Variants in CKB observed in about 807,000 individuals in gnomAD.
CKB encodes the protein creatine kinase B-type.
CKB carries 15 observed loss-of-function variants against 36.9 expected under a neutral mutation model. The observed-to-expected ratio is 0.41, with a 90% CI of 0.27 to 0.63. The LOEUF (loss-of-function observed/expected upper bound fraction) is 0.63, where lower values mean the gene tolerates loss of function less well. Among genes scored for constraint, CKB ranks in the 20% least tolerant of loss-of-function variants. The pLI is 0.34. For missense variants in CKB, 413 were observed against 534.9 expected (o/e 0.77, Z 2.25); for synonymous variants, 250 against 228.2 (o/e 1.10, Z -0.86).
intron 5 of CKB, 79 bp downstream of exon 5, chr14:103,521,184 C>T: frequency 6.7e-7 from 1 of 1,500,056 alleles, no homozygotes; most frequent in Non-Finnish European, 8.9e-7. Context: ...AGGGGCCCCA[C>T]CCCCGCGAGG....
At position 103,520,284 on chromosome 14, in the gene CKB, A is replaced by C. The variant is rs772436966; in HGVS notation, c.805T>G (p.Tyr269Asp). ...AGGTGAGGGTTCCACATGAACTCAT[A>C]GTCCTTAGACTTGAAGAGAGTTTCA... The part of the protein sequence containing the change: ...QIETLFKSKD[Y>D]EFMWNPHLGY... Residue 269 changes from tyrosine (Y) to aspartate (D), a missense_variant, in exon 7 of 8, where the codon TAT becomes GAT. Tyr to Asp is a radical substitution (Grantham distance 160). Around this residue, in one of 3 missense-constraint regions of CKB, gnomAD observed 314 missense variants for 409.4 expected, o/e 0.77. Coordinates refer to ENST00000348956, the MANE Select transcript of CKB (RefSeq NM_001823.5). 1 of 1,612,520 alleles carries C rather than the reference A, an allele frequency of 6.2e-7. No individual in the cohort carries two copies.
At position 103,522,367 on chromosome 14, in the gene CKB, G is replaced by A. The variant is rs2075909833; in HGVS notation, c.127C>T (p.Arg43Cys). Reference sequence around the variant, plus strand: ...AAGCCGCTCGGCGTGCTCTTGGCGCGCAGCTCCGCGTACAGCTCGGGGGTC... The same window carrying A: ...AAGCCGCTCGGCGTGCTCTTGGCGCACAGCTCCGCGTACAGCTCGGGGGTC... The part of the protein sequence containing the change: ...VLTPELYAEL[R>C]AKSTPSGFTL... The change falls in exon 2 of 8, where the codon CGC (arginine) becomes TGC (cysteine). Residue 43 changes from arginine (R) to cysteine (C), a missense_variant. Transcript: ENST00000348956. The surrounding 1 kb of genome is among the most constrained non-coding windows in gnomAD (Gnocchi z 6.7). 1 of 1,611,550 alleles carries A rather than the reference G, an allele frequency of 6.2e-7. No individual in the cohort carries two copies. The highest frequency in any genetic ancestry group is 8.5e-7 in the Non-Finnish European group (1 of 1,179,278).
chr14:103,520,002 G>A lies in CKB; in HGVS notation c.1008C>T (p.Val336=), dbSNP rs1382508389. Reference sequence around the variant, plus strand: ...AGAAGCCCAGGCGGTCAGCGTTGGAGACGTCGAAGACCCCGCCCACCGCAG... The same window carrying A: ...AGAAGCCCAGGCGGTCAGCGTTGGAAACGTCGAAGACCCCGCCCACCGCAG... ...DTAAVGGVFD[V]SNADRLGFSE... Residue 336 remains valine (V), a synonymous_variant, in exon 8 of 8, where the codon GTC becomes GTT. Transcript: ENST00000348956. The A allele has an allele frequency of 6.2e-7, 1 of 1,610,748 alleles. No individual in the cohort carries two copies. The highest frequency in any genetic ancestry group is 2.2e-5 in the East Asian group (1 of 44,874).
chr14:103,522,252 T>C lies in CKB; in HGVS notation c.193+49A>G. The stretch of plus-strand genomic sequence containing the variant: ...AGCGCGCTGCTGAGGACCCTGCGGC[T>C]GCGCGGGGGGAGGGGGGGCCGGGAC... On this transcript the variant is annotated intron_variant, in intron 2 of 7. Transcript: ENST00000348956. This position sits in a 1 kb window ranked among gnomAD's most constrained non-coding sequence, Gnocchi z 6.7. 3 of 1,378,360 alleles carry C rather than the reference T, an allele frequency of 2.2e-6. No individual in the cohort carries two copies. The East Asian group carries it at 9.6e-5, about 44-fold the overall frequency. The allele number at this position is 1,378,360 out of a possible 1,614,324, so 85.4% of individuals were successfully genotyped here.
intron 6 of CKB, 46 bp from the exon 7 acceptor site, chr14:103,520,357 C>T (rs2075891782): frequency 6.3e-7 from 1 of 1,584,658 alleles, no homozygotes; most frequent in Non-Finnish European, 8.6e-7. Context: ...TGCCTGAAAC[C>T]CCTACAGGCC....
At chr14:103,520,994 C>T in intron 5 of CKB, 1 of 598,610 alleles carries the variant, frequency 1.7e-6, no homozygotes, top group Middle Eastern at 2.6e-4. Context: ...AGAGCCCCGC[C>T]CCCACCTCAC....
intron 5 of CKB, chr14:103,520,802 C>T (rs1167299247): frequency 2.8e-6 from 2 of 714,990 alleles, no homozygotes; most frequent in African/African-American, 3.6e-5. Context: ...GCGCTGTGGC[C>T]TGAGGTGGGG....
rs768174030 is a variant in CKB, at chr14:103,519,966, C to T, written c.1044G>A (p.Glu348=). The T allele has an allele frequency of 3.7e-6, 6 of 1,611,210 alleles. No individual in the cohort carries two copies. In the East Asian group the frequency reaches 6.7e-5, roughly 18 times the overall value. The change falls in exon 8 of 8, where the codon GAG becomes GAA. Residue 348 remains glutamate (E), a synonymous_variant. Coordinates refer to ENST00000348956, the MANE Select transcript of CKB (RefSeq NM_001823.5). ...CTCCGTCCACCACCATCTGCACCAG[C>T]TCCACCTCTGAGAAGCCCAGGCGGT... is the stretch of plus-strand genomic sequence containing the variant. ...NADRLGFSEV[E]LVQMVVDGVK...
At position 103,522,378 on chromosome 14, in the gene CKB, T is replaced by A; in HGVS notation, c.116A>T (p.Tyr39Phe). Residue 39 changes from tyrosine to phenylalanine, a missense_variant, in exon 2 of 8, where the codon TAC (tyrosine) becomes TTC (phenylalanine). Tyr to Phe is a conservative substitution (Grantham distance 22). This residue lies in a region of CKB where 74 missense variants were observed against 70.6 expected (regional missense o/e 1.05). Coordinates refer to ENST00000348956, the MANE Select transcript of CKB (RefSeq NM_001823.5). The surrounding 1 kb of genome is among the most constrained non-coding windows in gnomAD (Gnocchi z 6.7). ...HMAKVLTPEL[Y>F]AELRAKSTPS... ...CGTGCTCTTGGCGCGCAGCTCCGCGTACAGCTCGGGGGTCAGCACCTTGGC... is the reference window on the plus strand; with the variant it reads ...CGTGCTCTTGGCGCGCAGCTCCGCGAACAGCTCGGGGGTCAGCACCTTGGC... The A allele has an allele frequency of 6.2e-7, 1 of 1,611,768 alleles. No homozygotes were observed. Among genetic ancestry groups the A allele is most frequent in the Non-Finnish European group, 8.5e-7 (1 of 1,179,270 alleles).
In CKB at chr14:103,521,923, C is replaced by A. The variant is rs2075904221; in HGVS notation, c.376G>T (p.Val126Leu). ...QGGDDLDPNY[V>L]LSSRVRTGRS... The stretch of plus-strand genomic sequence containing the variant: ...CCCGTGCGCACCCGCGAGCTCAGCA[C>A]GTAGTTGGGGTCCAGGTCGTCGCCG... The change falls in exon 4 of 8, where the codon GTG becomes TTG. Residue 126 changes from valine (V) to leucine (L), a missense_variant. By Grantham distance (32) the Val-to-Leu change is conservative. Coordinates refer to ENST00000348956, the MANE Select transcript of CKB (RefSeq NM_001823.5). The A allele has an allele frequency of 6.3e-7, 1 of 1,581,844 alleles. No individual in the cohort carries two copies.
At position 103,519,933 on chromosome 14, in the gene CKB, C is replaced by A; in HGVS notation, c.1077G>T (p.Leu359=). The A allele has an allele frequency of 6.2e-7, 1 of 1,610,026 alleles. No individual in the cohort carries two copies. Among genetic ancestry groups the A allele is most frequent in the Non-Finnish European group, 8.5e-7 (1 of 1,179,968 alleles). Residue 359 remains leucine (L), a synonymous_variant, in exon 8 of 8, where the codon CTG becomes CTT. Coordinates refer to ENST00000348956, the MANE Select transcript of CKB (RefSeq NM_001823.5). ...LVQMVVDGVK[L]LIEMEQRLEQ... ...CCAGCCGCTGCTCCATCTCGATGAG[C>A]AGCTTCACTCCGTCCACCACCATCT...
At position 103,522,580 on chromosome 14, in the gene CKB, G is replaced by GCCACCCACC; in HGVS notation, c.-12-76_-12-75insGGTGGGTGG. ...GCTCCCGCGTACCACTCAGGCCCCC[G>GCCACCCACC]CCGCCGGGCCCCCCGGCGCCCCCCG... On this transcript the variant is annotated intron_variant, in intron 1 of 7. Coordinates refer to ENST00000348956, the MANE Select transcript of CKB (RefSeq NM_001823.5). The surrounding 1 kb of genome is among the most constrained non-coding windows in gnomAD (Gnocchi z 6.7). The GCCACCCACC allele has an allele frequency of 2.4e-6, 1 of 408,734 alleles. No individual in the cohort carries two copies. Among genetic ancestry groups the GCCACCCACC allele is most frequent in the South Asian group, 3.2e-5 (1 of 31,368 alleles). The allele number at this position is 408,734 out of a possible 1,614,324, so 25.3% of individuals were successfully genotyped here. A position where few individuals can be genotyped will look rare whatever the true frequency, so the allele number is the denominator to read the frequency against.
At chr14:103,521,477 C>A in intron 4 of CKB, 43 bp from the exon 5 acceptor site, 1 of 1,459,284 alleles carries the variant, frequency 6.9e-7, no homozygotes, top group Non-Finnish European at 9.0e-7. Context: ...CGCGCCCGCC[C>A]CTCCAGCCCG....
chr14:103,521,471 CCCG>C, intron 4 of CKB, 37 bp from the exon 5 acceptor site: 1 of 1,477,812 alleles, frequency 6.8e-7, no homozygotes, highest in Non-Finnish European at 8.9e-7. Flanking sequence ...GGCTCCCGCG[CCCG>C]CCCCTCCAGC....
chr14:103,521,612 G>A (rs1194601212), intron 4 of CKB, 178 bp from the exon 5 acceptor site: 2 of 907,024 alleles, frequency 2.2e-6, no homozygotes, highest in Non-Finnish European at 3.0e-6. Context: ...CCCCGCGCCA[G>A]GACCCGCCCT....
rs1472198208 is a variant in CKB at position 103,522,264 on chromosome 14, G to GGGGGGGCC, written c.193+29_193+36dup. 7.4e-5 allele frequency: 116 copies of GGGGGGGCC among 1,568,722 alleles called. No individual in the cohort carries two copies. Among genetic ancestry groups the GGGGGGGCC allele is most frequent in the Non-Finnish European group, 9.9e-5 (115 of 1,159,138 alleles). ...AGGACCCTGCGGCTGCGCGGGGGGAGGGGGGGCCGGGACCCCGGCCCCGAG... is the reference window on the plus strand; with the variant it reads ...AGGACCCTGCGGCTGCGCGGGGGGAGGGGGGGCCGGGGGGCCGGGACCCCGGCCCCGAG... On this transcript the variant is annotated intron_variant, in intron 2 of 7. Transcript: ENST00000348956. The surrounding 1 kb of genome is among the most constrained non-coding windows in gnomAD (Gnocchi z 6.7).
At position 103,520,195 on chromosome 14, in the gene CKB, C is replaced by T. The variant is rs752384121; in HGVS notation, c.894G>A (p.Lys298=). The part of the protein sequence containing the change: ...GTGLRAGVHI[K]LPNLGKHEKF... ...TCTCATGCTTGCCCAGGTTGGGCAG[C>T]TTGATATGCACACCTGCCCGCAGCC... Residue 298 remains lysine (K), a synonymous_variant, in exon 7 of 8, where the codon AAG becomes AAA. Transcript: ENST00000348956. The T allele has an allele frequency of 1.9e-6, 3 of 1,613,386 alleles. No individual in the cohort carries two copies. Among genetic ancestry groups the T allele is most frequent in the East Asian group, 4.5e-5 (2 of 44,876 alleles).
Position 103,519,749 on chromosome 14 carries a change from T to G in CKB, c.*115A>C. The G allele has an allele frequency of 8.4e-7, 1 of 1,186,674 alleles. No individual in the cohort carries two copies. Among genetic ancestry groups the G allele is most frequent in the Non-Finnish European group, 1.2e-6 (1 of 853,886 alleles). 73.5% of individuals were successfully genotyped at this position (1,186,674 alleles called of 1,614,324 possible). ...TAAACTCTACCAAGGGTGACGGAAG[T>G]CTCTACAGCAAGGCTAAGGGCTCGC... is the stretch of plus-strand genomic sequence containing the variant. On this transcript the variant is annotated 3_prime_UTR_variant, in exon 8 of 8. Transcript: ENST00000348956.
chr14:103,522,343 A>G lies in CKB; in HGVS notation c.151T>C (p.Phe51Leu), dbSNP rs1328832296. 1 of 1,610,122 alleles carries G rather than the reference A, an allele frequency of 6.2e-7. No homozygotes were observed. Residue 51 changes from phenylalanine (F) to leucine (L), a missense_variant, in exon 2 of 8, where the codon TTC becomes CTC. Physicochemically the swap from Phe to Leu is conservative, Grantham distance 22. Transcript: ENST00000348956. The surrounding 1 kb of genome is among the most constrained non-coding windows in gnomAD (Gnocchi z 6.7). Reference protein sequence around the residue: ...ELRAKSTPSGFTLDDVIQTGV... With the variant: ...ELRAKSTPSGLTLDDVIQTGV... Reference sequence around the variant, plus strand: ...GTCTGGATGACGTCGTCCAGCGTGAAGCCGCTCGGCGTGCTCTTGGCGCGC... The same window carrying G: ...GTCTGGATGACGTCGTCCAGCGTGAGGCCGCTCGGCGTGCTCTTGGCGCGC...
Sources: allele counts gnomAD v4.1 joint callset, GRCh38; gene constraint gnomAD v4.1.1; regional missense constraint gnomAD v4.1.1; non-coding constraint Gnocchi (gnomAD v3.1); transcripts MANE v1.5; gene names NCBI Gene and HGNC (gene_info 2026-07-23, HGNC 2026-07-21).